The following SAMD12 variants were observed in gnomAD, a reference collection of about 807,000 sequenced individuals.
SAMD12 encodes sterile alpha motif domain containing 12, also known as sterile alpha motif domain-containing protein 12.
A neutral mutation model predicts 15.0 loss-of-function variants in SAMD12; 9 were observed. The ratio of observed to expected loss-of-function variants is 0.60; its 90% confidence interval spans 0.36 to 1.05. The LOEUF is 1.05. Ranked by LOEUF, SAMD12 falls within the 50% of genes least tolerant of loss-of-function variation. The pLI, the probability that SAMD12 is intolerant of heterozygous loss-of-function variation, is 0.01. For synonymous variants in SAMD12, 86 were observed against 90.1 expected, an observed-to-expected ratio of 0.96 and a Z score of 0.25; for missense variants, 230 against 234.2, an observed-to-expected ratio of 0.98 and a Z score of 0.12.
chr8:118,289,592 G>C (rs1414083724), intron 4 of SAMD12, among the ~76,000 whole-genome samples: 1 of 152,200 alleles, frequency 6.6e-6, no homozygotes, highest in Middle Eastern at 3.2e-3. Context: ...ATGTTGCCAT[G>C]TGTGATGGAC....
chr8:118,578,577 C>T (rs770602615), intron 2 of SAMD12, among the ~76,000 whole-genome samples: 9 of 152,162 alleles, frequency 5.9e-5, no homozygotes, highest in Non-Finnish European at 8.8e-5. Context: ...CGGCTTACAA[C>T]TCTACCAGCC....
intron 4 of SAMD12, among the ~76,000 whole-genome samples, chr8:118,351,198 T>A (rs1817946606): frequency 6.6e-6 from 1 of 152,180 alleles, no homozygotes; most frequent in Non-Finnish European, 1.5e-5. Context: ...AAGGAAGGCA[T>A]CAACTACACA....
chr8:118,603,547 G>T (rs1454155616), intron 1 of SAMD12, among the ~76,000 whole-genome samples: 1 of 152,144 alleles, frequency 6.6e-6, no homozygotes, highest in Non-Finnish European at 1.5e-5. Context: ...TAAGTACAAG[G>T]GTAGAATAAA....
the SAMD12 span, among the ~76,000 whole-genome samples, chr8:118,145,456 C>G: frequency 6.6e-6 from 1 of 152,164 alleles, no homozygotes; most frequent in South Asian, 2.1e-4. Flanking sequence ...TTCATTCAAT[C>G]CTTTCATAGG....
chr8:118,523,289 G>A (rs548578248), intron 2 of SAMD12, among the ~76,000 whole-genome samples: 1 of 152,228 alleles, frequency 6.6e-6, no homozygotes, highest in African/African-American at 2.4e-5. Flanking sequence ...GTGGACAAAA[G>A]GGTACAAGTC....
intron 2 of SAMD12, among the ~76,000 whole-genome samples, chr8:118,474,824 C>T (rs1476047886): frequency 1.3e-5 from 2 of 152,166 alleles, no homozygotes; most frequent in African/African-American, 4.8e-5. Flanking sequence ...CCAATGTTCT[C>T]GGTAGAGACT....
the SAMD12 span, among the ~76,000 whole-genome samples, chr8:118,169,771 G>T: frequency 6.6e-6 from 1 of 152,196 alleles, no homozygotes; most frequent in Admixed American, 6.5e-5. Context: ...GGAATCTCCT[G>T]CTTCTAAAGT....
chr8:118,390,019 T>C (rs370406674), intron 3 of SAMD12, among the ~76,000 whole-genome samples: 1 of 152,080 alleles, frequency 6.6e-6, no homozygotes, highest in African/African-American at 2.4e-5. Flanking sequence ...TTTAACTTTT[T>C]TTTTTGAGAT....
chr8:118,586,309 C>A (rs1827437321), intron 1 of SAMD12, among the ~76,000 whole-genome samples: 1 of 151,422 alleles, frequency 6.6e-6, no homozygotes, highest in Non-Finnish European at 1.5e-5. Flanking sequence ...AGTATATCCT[C>A]TTAAGCAATA....
chr8:118,280,207 C>A (rs906501528), intron 4 of SAMD12, among the ~76,000 whole-genome samples: 6 of 152,226 alleles, frequency 3.9e-5, no homozygotes, highest in African/African-American at 1.4e-4. Context: ...AAGCAAACCC[C>A]TGTGTAAATG....
At chr8:118,433,372 C>A (rs976782125) in intron 3 of SAMD12, among the ~76,000 whole-genome samples, 1 of 151,106 alleles carries the variant, frequency 6.6e-6, no homozygotes, top group African/African-American at 2.4e-5. Flanking sequence ...TTTTGTGGTC[C>A]ATTGACCTTC....
chr8:118,339,285 G>T (rs1286811415), intron 4 of SAMD12, among the ~76,000 whole-genome samples: 2 of 152,048 alleles, frequency 1.3e-5, no homozygotes, highest in Non-Finnish European at 2.9e-5. Flanking sequence ...AGCTCTGATT[G>T]TGCCACTGCA....
chr8:118,269,251 T>C (rs1251529252), intron 4 of SAMD12, among the ~76,000 whole-genome samples: 1 of 151,078 alleles, frequency 6.6e-6, no homozygotes, highest in Non-Finnish European at 1.5e-5. Context: ...TGTGTGTGTG[T>C]GTGTGTGTGT....
At chr8:118,144,693 A>G in the SAMD12 span, among the ~76,000 whole-genome samples, 1 of 152,152 alleles carries the variant, frequency 6.6e-6, no homozygotes, top group Non-Finnish European at 1.5e-5. Context: ...AAAGGGAGAG[A>G]GAGAGGGAAA....
chr8:118,132,884 C>G, the SAMD12 span, among the ~76,000 whole-genome samples: 1 of 149,110 alleles, frequency 6.7e-6, no homozygotes, highest in Non-Finnish European at 1.5e-5. Flanking sequence ...GGCCACCTAT[C>G]AGGGAGACAA....
At chr8:118,442,936 G>A (rs555044430) in intron 2 of SAMD12, among the ~76,000 whole-genome samples, 1 of 152,144 alleles carries the variant, frequency 6.6e-6, no homozygotes. Flanking sequence ...AAGGGAGGAC[G>A]CTCAGCCTCA....
downstream of SAMD12, among the ~76,000 whole-genome samples, chr8:118,185,257 G>T (rs375348065): frequency 1.3e-5 from 2 of 151,988 alleles, no homozygotes; most frequent in Non-Finnish European, 2.9e-5. Flanking sequence ...TATTTCAAAA[G>T]ATTTTGGGGT....
At chr8:118,460,453 G>A (rs1014924364) in intron 2 of SAMD12, among the ~76,000 whole-genome samples, 1 of 152,154 alleles carries the variant, frequency 6.6e-6, no homozygotes, top group Non-Finnish European at 1.5e-5. Context: ...TTTTAGGTAA[G>A]AGGAGTGAGT....
the SAMD12 span, among the ~76,000 whole-genome samples, chr8:118,160,899 C>T: frequency 6.6e-6 from 1 of 152,106 alleles, no homozygotes; most frequent in East Asian, 1.9e-4. Flanking sequence ...CCATTAAACT[C>T]ATCATTTAGC....
Sources: allele counts gnomAD v4.1 joint callset (sites outside exome capture counted in the v4.1 genomes callset), GRCh38; gene constraint gnomAD v4.1.1; transcripts MANE v1.5; gene names NCBI Gene and HGNC (gene_info 2026-07-23, HGNC 2026-07-21).